The following RBMS3 variants were observed in gnomAD, a reference collection of about 807,000 sequenced individuals.
RBMS3 encodes the protein RNA binding motif single stranded interacting protein 3, also known as RNA-binding motif, single-stranded-interacting protein 3.
In RBMS3, 27 loss-of-function variants were observed where a neutral mutation model predicts 66.8. The ratio of observed to expected loss-of-function variants is 0.40; its 90% confidence interval spans 0.30 to 0.56. The LOEUF (loss-of-function observed/expected upper bound fraction) is 0.56. RBMS3 is among the 20% of genes least tolerant of loss of function. RBMS3 has a pLI of 0.40. For missense variants in RBMS3, 513 were observed against 549.5 expected (o/e 0.93, Z 0.66); for synonymous variants, 188 against 183.0 (o/e 1.03, Z -0.22).
intron 3 of RBMS3, among the ~76,000 whole-genome samples, chr3:29,582,194 A>C (rs147087860): frequency 6.9e-6 from 1 of 144,630 alleles, no homozygotes; most frequent in East Asian, 1.9e-4. Flanking sequence ...AGATAGATAG[A>C]TACACACACA....
chr3:29,335,784 A>G (rs1242948250), intron 1 of RBMS3, among the ~76,000 whole-genome samples: 2 of 152,152 alleles, frequency 1.3e-5, no homozygotes, highest in African/African-American at 4.8e-5. Flanking sequence ...ACTAAAAGAT[A>G]CATTTGTGAA....
At chr3:29,561,719 A>T (rs1300110574) in intron 3 of RBMS3, among the ~76,000 whole-genome samples, 1 of 152,032 alleles carries the variant, frequency 6.6e-6, no homozygotes, top group East Asian at 1.9e-4. Context: ...CCAAAGTGCT[A>T]GGATTACAGG....
chr3:29,755,856 G>T (rs960300404), intron 5 of RBMS3, among the ~76,000 whole-genome samples: 1 of 152,152 alleles, frequency 6.6e-6, no homozygotes, highest in African/African-American at 2.4e-5. Context: ...TCGATAGAAG[G>T]GTCACTTCCT....
chr3:29,569,052 G>T (rs553992049), intron 3 of RBMS3, among the ~76,000 whole-genome samples: 1 of 152,190 alleles, frequency 6.6e-6, no homozygotes, highest in East Asian at 1.9e-4. Flanking sequence ...CTTCTAACAA[G>T]CTCCCAAGTG....
chr3:29,816,311 GACACAC>G (rs66518208), intron 6 of RBMS3, among the ~76,000 whole-genome samples: 4,408 of 69,030 alleles, frequency 0.064, 95 homozygotes, highest in Non-Finnish European at 0.077. Context: ...GACACACACA[GACACAC>G]ACACACACAC....
intron 4 of RBMS3, among the ~76,000 whole-genome samples, chr3:29,620,081 A>C (rs1270943727): frequency 6.6e-6 from 1 of 152,226 alleles, no homozygotes; most frequent in East Asian, 1.9e-4. Flanking sequence ...AGTTAAAATA[A>C]GGGTGAATAA....
chr3:29,633,858 A>G (rs565595036), intron 4 of RBMS3, among the ~76,000 whole-genome samples: 1 of 151,978 alleles, frequency 6.6e-6, no homozygotes, highest in Non-Finnish European at 1.5e-5. Flanking sequence ...TTATCTGCTG[A>G]ATATTAATAA....
intron 2 of RBMS3, among the ~76,000 whole-genome samples, chr3:29,478,945 G>A (rs1334229345): frequency 6.6e-6 from 1 of 152,122 alleles, no homozygotes; most frequent in Non-Finnish European, 1.5e-5. Flanking sequence ...TAAAGGACTA[G>A]TCATGTCCAA....
intron 9 of RBMS3, among the ~76,000 whole-genome samples, chr3:29,899,165 G>A (rs1014539349): frequency 2.0e-5 from 3 of 151,676 alleles, no homozygotes; most frequent in African/African-American, 7.3e-5. Context: ...TACCATGAGC[G>A]AAAATAATTA....
Position 29,629,414 on chromosome 3 carries a change from T to A in RBMS3, c.399+42209T>A, listed in dbSNP as rs889834919. On this transcript the variant is annotated intron_variant, in intron 4 of 14. Coordinates refer to ENST00000383767, the MANE Select transcript of RBMS3 (RefSeq NM_001003793.3). ...TAAACCTCTTTGCCCTGAGTAGTTA[T>A]ACAAAAATATATTCTCTTTTTAAAA... 2.0e-5 allele frequency among the ~76,000 whole-genome samples: 3 copies of A among 152,136 alleles called. No homozygotes were observed. In the East Asian group the frequency reaches 5.8e-4, roughly 29 times the overall value.
chr3:29,967,946 G>C (rs750027643), intron 12 of RBMS3, among the ~76,000 whole-genome samples: 1 of 151,838 alleles, frequency 6.6e-6, no homozygotes, highest in African/African-American at 2.4e-5. Flanking sequence ...GTGTATTTTT[G>C]TGTTTTGTTT....
At chr3:29,697,137 T>C in intron 4 of RBMS3, 1 of 978,618 alleles carries the variant, frequency 1.0e-6, no homozygotes, top group Non-Finnish European at 1.2e-6. Flanking sequence ...TTTTATTTCT[T>C]ATACAGTAAT....
intron 4 of RBMS3, among the ~76,000 whole-genome samples, chr3:29,733,520 C>T (rs777636373): frequency 6.6e-6 from 1 of 151,918 alleles, no homozygotes; most frequent in Non-Finnish European, 1.5e-5. Context: ...ACGTCCTCAC[C>T]AGCATTGGTT....
chr3:29,394,983 C>T (rs938684919), intron 1 of RBMS3, among the ~76,000 whole-genome samples: 5 of 152,318 alleles, frequency 3.3e-5, no homozygotes, highest in African/African-American at 1.2e-4. Context: ...CTGGCCACCC[C>T]ACTTAAATTT....
chr3:29,826,094 T>G (rs1464116623), intron 6 of RBMS3, among the ~76,000 whole-genome samples: 1 of 152,186 alleles, frequency 6.6e-6, no homozygotes, highest in Non-Finnish European at 1.5e-5. Context: ...AGTCTCCAAG[T>G]GGCTTGTCAG....
In RBMS3 at chr3:29,688,179, C is replaced by T. The variant is rs551393866; in HGVS notation, c.400-51541C>T. ...TTTGCCTTTTCTTCTCTTCTCTTAC[C>T]TCCTGTTATTCTTAGCCAGTACCAC... On this transcript the variant is annotated intron_variant, in intron 4 of 14. Transcript: ENST00000383767. Among the ~76,000 whole-genome samples, 22 of 152,222 alleles carry T rather than the reference C, an allele frequency of 1.4e-4. No individual in the cohort carries two copies. The South Asian group carries it at 4.6e-3, about 32-fold the overall frequency.
intron 6 of RBMS3, among the ~76,000 whole-genome samples, chr3:29,768,402 A>G (rs1424774428): frequency 6.6e-6 from 1 of 151,910 alleles, no homozygotes; most frequent in African/African-American, 2.4e-5. Flanking sequence ...CAGAGAGAAG[A>G]GGTGATTAAA....
intron 11 of RBMS3, among the ~76,000 whole-genome samples, chr3:29,937,217 C>A (rs2034443): frequency 0.81 from 122,802 of 151,888 alleles, 51,091 homozygotes; most frequent in East Asian, 0.96. Flanking sequence ...TTTTCTCTAT[C>A]TAGTTGAAGT....
At chr3:29,436,001 A>T (rs58551796) in intron 2 of RBMS3, among the ~76,000 whole-genome samples, 1 of 151,602 alleles carries the variant, frequency 6.6e-6, no homozygotes, top group Admixed American at 6.6e-5. Context: ...CGAATCGTAG[A>T]CCTGTATTTT....
Sources: gnomAD v4.1 joint callset for allele counts (sites outside exome capture counted in the v4.1 genomes callset) on GRCh38, gnomAD v4.1.1 for gene constraint, MANE v1.5 for transcripts, NCBI Gene and HGNC (gene_info 2026-07-23, HGNC 2026-07-21) for gene names.